The following ADAMTS17 variants were observed in gnomAD, a reference collection of about 807,000 sequenced individuals.
The protein encoded by ADAMTS17 is ADAM metallopeptidase with thrombospondin type 1 motif 17.
A neutral mutation model predicts 141.5 loss-of-function variants in ADAMTS17; 113 were observed. That is an observed-to-expected ratio of 0.80 (90% CI 0.69 to 0.93). The LOEUF (loss-of-function observed/expected upper bound fraction) is 0.93, where lower values mean the gene tolerates loss of function less well. Ranked by LOEUF, ADAMTS17 falls within the 40% of genes least tolerant of loss-of-function variation. The probability of loss-of-function intolerance (pLI) is 0.00; values close to 1 mark genes in which losing one functional copy is unlikely to be tolerated. For missense variants in ADAMTS17, 1,659 were observed against 1,517.9 expected, an observed-to-expected ratio of 1.09 and a Z score of -1.54; for synonymous variants, 768 against 630.6, an observed-to-expected ratio of 1.22 and a Z score of -3.27.
At position 99,993,311 on chromosome 15, in the gene ADAMTS17, G is replaced by A; in HGVS notation, c.2797-111C>T. On this transcript the variant is annotated intron_variant, in intron 19 of 21. Transcript: ENST00000268070. The surrounding 1 kb of genome is among the most constrained non-coding windows in gnomAD (Gnocchi z 4.3). ...TGCGGTGTGGGGATGATACAAAGAT[G>A]AAAACCCACACTTCTGTCCTCAAAA... The A allele has an allele frequency of 2.1e-6, 3 of 1,460,684 alleles. No homozygotes were observed. The highest frequency in any genetic ancestry group is 1.7e-4 in the Middle Eastern group (1 of 5,786). 90.5% of individuals were successfully genotyped at this position (1,460,684 alleles called of 1,614,324 possible). A position where few individuals can be genotyped will look rare whatever the true frequency, so the allele number is the denominator to read the frequency against.
intron 18 of ADAMTS17, among the ~76,000 whole-genome samples, chr15:100,012,508 T>C (rs1280515971): frequency 6.6e-6 from 1 of 152,268 alleles, no homozygotes; most frequent in Non-Finnish European, 1.5e-5. Context: ...AGAATTTTTA[T>C]AGTTTCAGGT....
intron 8 of ADAMTS17, among the ~76,000 whole-genome samples, chr15:100,158,297 A>G (rs770777242): frequency 6.6e-6 from 1 of 152,246 alleles, no homozygotes; most frequent in Non-Finnish European, 1.5e-5. Context: ...TGCATGAGAA[A>G]GCAATCTCCA....
At chr15:100,087,855 A>G (rs1314606422) in intron 15 of ADAMTS17, among the ~76,000 whole-genome samples, 2 of 152,238 alleles carry the variant, frequency 1.3e-5, no homozygotes, top group African/African-American at 4.8e-5. Flanking sequence ...AATAAGAGCT[A>G]TCTATGACAA....
chr15:100,039,222 TA>T (rs1199555147), intron 18 of ADAMTS17, among the ~76,000 whole-genome samples: 2 of 152,258 alleles, frequency 1.3e-5, no homozygotes, highest in Non-Finnish European at 2.9e-5. Flanking sequence ...TCTGCTGTAC[TA>T]TTTTCTACCC....
At chr15:100,043,907 A>T (rs2031469859) in intron 18 of ADAMTS17, among the ~76,000 whole-genome samples, 1 of 152,232 alleles carries the variant, frequency 6.6e-6, no homozygotes. Context: ...AGCAATACAC[A>T]CACTTGATGT....
chr15:100,201,680 A>C (rs1005692589), intron 7 of ADAMTS17, among the ~76,000 whole-genome samples: 4 of 152,192 alleles, frequency 2.6e-5, no homozygotes, highest in African/African-American at 9.7e-5. Context: ...AAAATAAATA[A>C]AGAACAAATT....
At chr15:100,032,550 C>T (rs1157336959) in intron 18 of ADAMTS17, among the ~76,000 whole-genome samples, 1 of 152,192 alleles carries the variant, frequency 6.6e-6, no homozygotes, top group East Asian at 1.9e-4. Flanking sequence ...CCAGCTTCCC[C>T]TTGATAGCAC....
chr15:100,238,005 C>T (rs1362205376), intron 7 of ADAMTS17, among the ~76,000 whole-genome samples: 1 of 152,106 alleles, frequency 6.6e-6, no homozygotes, highest in Non-Finnish European at 1.5e-5. Context: ...GATTAGGAGC[C>T]CTGCAAAAAA....
chr15:100,248,610 A>G (rs1328389608), intron 7 of ADAMTS17, among the ~76,000 whole-genome samples: 1 of 152,158 alleles, frequency 6.6e-6, no homozygotes, highest in Non-Finnish European at 1.5e-5. Context: ...GAGGTCTGAC[A>G]TGTGCAGAGT....
At chr15:99,981,113 C>T (rs1192341793) in intron 20 of ADAMTS17, among the ~76,000 whole-genome samples, 3 of 152,186 alleles carry the variant, frequency 2.0e-5, no homozygotes, top group Non-Finnish European at 2.9e-5. Context: ...GGAATGAATT[C>T]CACCCTCCTA....
At chr15:99,985,752 C>A (rs144294425) in intron 20 of ADAMTS17, among the ~76,000 whole-genome samples, 58 of 152,314 alleles carry the variant, frequency 3.8e-4, no homozygotes, top group Admixed American at 7.2e-4. Flanking sequence ...GCTTGCTCAT[C>A]TGTAAAATGG....
At chr15:100,229,483 TG>T (rs1323589698) in intron 7 of ADAMTS17, among the ~76,000 whole-genome samples, 4 of 152,316 alleles carry the variant, frequency 2.6e-5, no homozygotes, top group African/African-American at 9.6e-5. Context: ...TGACGCACAG[TG>T]GTTCTGCCTG....
chr15:100,037,117 T>C (rs938753864), intron 18 of ADAMTS17, among the ~76,000 whole-genome samples: 9 of 152,220 alleles, frequency 5.9e-5, no homozygotes, highest in Non-Finnish European at 1.3e-4. Flanking sequence ...GCAGAACTTT[T>C]TGAGGAACTA....
intron 7 of ADAMTS17, among the ~76,000 whole-genome samples, chr15:100,224,958 C>T (rs1024934909): frequency 6.6e-6 from 1 of 152,236 alleles, no homozygotes; most frequent in Non-Finnish European, 1.5e-5. Context: ...CCCATGAGCA[C>T]CCAGAAGTAA....
intron 18 of ADAMTS17, among the ~76,000 whole-genome samples, chr15:100,023,610 G>A (rs1326748119): frequency 2.0e-5 from 3 of 152,158 alleles, no homozygotes; most frequent in Admixed American, 2.0e-4. Context: ...ATCCACAAAA[G>A]CCTGGTCACA....
At chr15:100,301,377 T>C (rs936492346) in intron 3 of ADAMTS17, among the ~76,000 whole-genome samples, 3 of 151,918 alleles carry the variant, frequency 2.0e-5, no homozygotes, top group Non-Finnish European at 2.9e-5. Flanking sequence ...CAGGCTGAAG[T>C]GCAGTGGTGT....
intron 10 of ADAMTS17, among the ~76,000 whole-genome samples, chr15:100,151,111 C>T (rs1266368104): frequency 1.3e-5 from 2 of 152,192 alleles, no homozygotes; most frequent in African/African-American, 4.8e-5. Flanking sequence ...TGGAGGTGTC[C>T]TTCAACCCTG....
At chr15:100,115,643 A>T (rs927590849) in intron 13 of ADAMTS17, among the ~76,000 whole-genome samples, 1 of 152,330 alleles carries the variant, frequency 6.6e-6, no homozygotes, top group African/African-American at 2.4e-5. Context: ...CCACCTTCAC[A>T]CAGCTACGCA....
chr15:100,107,505 G>T (rs1433494720), intron 14 of ADAMTS17, among the ~76,000 whole-genome samples: 1 of 152,150 alleles, frequency 6.6e-6, no homozygotes, highest in African/African-American at 2.4e-5. Flanking sequence ...AGGGCAGAGC[G>T]CTCCCTGGGT....
Sources: allele counts gnomAD v4.1 joint callset (sites outside exome capture counted in the v4.1 genomes callset), GRCh38; gene constraint gnomAD v4.1.1; non-coding constraint Gnocchi (gnomAD v3.1); transcripts MANE v1.5; gene names NCBI Gene and HGNC (gene_info 2026-07-23, HGNC 2026-07-21).